Variants in CDC14A observed in about 807,000 individuals in gnomAD.
The protein encoded by CDC14A is dual specificity protein phosphatase CDC14A.
CDC14A carries 53 observed loss-of-function variants against 74.4 expected under a neutral mutation model. The observed-to-expected ratio is 0.71, with a 90% confidence interval of 0.57 to 0.89. CDC14A has a LOEUF of 0.89. Ranked by LOEUF, CDC14A falls within the 40% of genes least tolerant of loss-of-function variation. The probability of loss-of-function intolerance (pLI) is 0.00; values close to 1 mark genes in which losing one functional copy is unlikely to be tolerated. For synonymous variants in CDC14A, 247 were observed against 258.4 expected, an observed-to-expected ratio of 0.96 and a Z score of 0.43; for missense variants, 646 against 713.7, an observed-to-expected ratio of 0.91 and a Z score of 1.08.
At chr1:100,475,381 CTG>C in intron 10 of CDC14A, among the ~76,000 whole-genome samples, 1 of 152,312 alleles carries the variant, frequency 6.6e-6, no homozygotes, top group East Asian at 1.9e-4. Context: ...TCTAACATCT[CTG>C]TCATCTTGGT....
At chr1:100,479,099 G>T (rs1669200380) in intron 10 of CDC14A, among the ~76,000 whole-genome samples, 2 of 152,000 alleles carry the variant, frequency 1.3e-5, no homozygotes, top group Admixed American at 1.3e-4. Context: ...TTTCACAATT[G>T]GATTGAGCTA....
chr1:100,427,922 A>G (rs1016274748), intron 5 of CDC14A, among the ~76,000 whole-genome samples: 2 of 152,182 alleles, frequency 1.3e-5, no homozygotes, highest in African/African-American at 4.8e-5. Flanking sequence ...GATGTTAGGA[A>G]TAGGCCCCAT....
upstream of CDC14A, among the ~76,000 whole-genome samples, chr1:100,352,022 C>A (rs1251760519): frequency 7.1e-6 from 1 of 141,708 alleles, no homozygotes; most frequent in Non-Finnish European, 1.6e-5. Context: ...GCGCGCCCTA[C>A]AAGAGTTTAG....
upstream of CDC14A, among the ~76,000 whole-genome samples, chr1:100,349,092 A>T (rs1490564250): frequency 6.6e-6 from 1 of 151,980 alleles, no homozygotes; most frequent in African/African-American, 2.4e-5. Flanking sequence ...GCTACTCTGG[A>T]GGCTGTGGCA....
intron 15 of CDC14A, among the ~76,000 whole-genome samples, chr1:100,509,049 T>C (rs781144192): frequency 2.6e-5 from 4 of 152,150 alleles, no homozygotes; most frequent in Non-Finnish European, 5.9e-5. Context: ...CTCATATCCC[T>C]CCACTCCTGA....
chr1:100,463,523 T>C (rs1282304673), intron 9 of CDC14A, among the ~76,000 whole-genome samples: 1 of 152,252 alleles, frequency 6.6e-6, no homozygotes. Context: ...TTGTTCAGAC[T>C]ATAGAAGGTT....
At chr1:100,412,723 T>TATATATATATATATATATA (rs1491148182) in intron 4 of CDC14A, among the ~76,000 whole-genome samples, 7 of 83,760 alleles carry the variant, frequency 8.4e-5, no homozygotes, top group African/African-American at 7.1e-4. Flanking sequence ...TATATATATA[T>TATATATATATATATATATA]TTTATATATA....
At chr1:100,416,258 C>A (rs146814892) in intron 4 of CDC14A, among the ~76,000 whole-genome samples, 1,806 of 152,222 alleles carry the variant, frequency 0.012, 16 homozygotes, top group Non-Finnish European at 0.017. Flanking sequence ...AAAAACAAAT[C>A]CAACTTGGGA....
chr1:100,509,762 A>G (rs558668816), intron 15 of CDC14A, among the ~76,000 whole-genome samples: 8 of 152,356 alleles, frequency 5.3e-5, no homozygotes, highest in African/African-American at 1.9e-4. Flanking sequence ...TAAACAACTC[A>G]AAGGTTGATA....
chr1:100,358,575 C>G (rs1375319064), intron 2 of CDC14A, among the ~76,000 whole-genome samples: 1 of 152,190 alleles, frequency 6.6e-6, no homozygotes, highest in African/African-American at 2.4e-5. Context: ...GAATTTTAAG[C>G]AGTTTCTGAA....
At position 100,353,919 on chromosome 1, in the gene CDC14A, G is replaced by A. The variant is rs1651507523; in HGVS notation, c.140+67G>A. 6.0e-6 allele frequency: 5 copies of A among 838,882 alleles called. No homozygotes were observed. The East Asian group carries it at 7.8e-5, about 13-fold the overall frequency. The allele number at this position is 838,882 out of a possible 1,614,324, so 52.0% of individuals were successfully genotyped here. A position where few individuals can be genotyped will look rare whatever the true frequency, so the allele number is the denominator to read the frequency against. On this transcript the variant is annotated intron_variant, in intron 2 of 15. Coordinates refer to ENST00000336454, the MANE Select transcript of CDC14A (RefSeq NM_003672.4). ...TTGTTCTTTGACGAGGAAACACTAT[G>A]CACTTTTATGGCAGTTTTATTCATT...
intron 3 of CDC14A, among the ~76,000 whole-genome samples, chr1:100,390,027 T>A (rs1282820421): frequency 6.6e-6 from 1 of 152,230 alleles, no homozygotes; most frequent in Non-Finnish European, 1.5e-5. Context: ...GTTTAGCATG[T>A]GTACAACATA....
intron 9 of CDC14A, 21 bp from the exon 10 acceptor site, chr1:100,467,935 T>C (rs1156564526): frequency 2.6e-6 from 4 of 1,565,164 alleles, no homozygotes; most frequent in Non-Finnish European, 3.4e-6. Flanking sequence ...ATATTTCTTA[T>C]TCTGTTTCAT....
chr1:100,423,596 G>T (rs947296306), intron 4 of CDC14A: 1 of 153,330 alleles, frequency 6.5e-6, no homozygotes, highest in African/African-American at 2.4e-5. Flanking sequence ...TGGTTTTAAG[G>T]AATCCTTTTT....
intron 4 of CDC14A, among the ~76,000 whole-genome samples, chr1:100,420,057 C>CCATATATATATAT (rs1553180503): frequency 6.5e-5 from 2 of 30,578 alleles, no homozygotes; most frequent in African/African-American, 2.8e-4. Flanking sequence ...CACACACACA[C>CCATATATATATAT]ACACACATAT....
intron 2 of CDC14A, among the ~76,000 whole-genome samples, chr1:100,377,280 T>A (rs1317977298): frequency 6.6e-6 from 1 of 152,176 alleles, no homozygotes; most frequent in East Asian, 1.9e-4. Flanking sequence ...CCTCAGGCAG[T>A]CTGCCTGCCC....
intron 3 of CDC14A, among the ~76,000 whole-genome samples, chr1:100,382,646 T>G (rs1656304775): frequency 6.6e-6 from 1 of 151,988 alleles, no homozygotes; most frequent in African/African-American, 2.4e-5. Flanking sequence ...AGGGCAGTGG[T>G]TTTTCTTTTT....
At chr1:100,400,417 TAG>T (rs1659102476) in intron 4 of CDC14A, among the ~76,000 whole-genome samples, 1 of 152,230 alleles carries the variant, frequency 6.6e-6, no homozygotes, top group African/African-American at 2.4e-5. Flanking sequence ...AATAATATAT[TAG>T]ATGTCAGCTA....
chr1:100,371,507 C>T (rs548470847), intron 2 of CDC14A, among the ~76,000 whole-genome samples: 5 of 152,114 alleles, frequency 3.3e-5, no homozygotes, highest in East Asian at 3.9e-4. Flanking sequence ...TTACCATGAA[C>T]GGATGTTGGA....
Sources: gnomAD v4.1 joint callset for allele counts (sites outside exome capture counted in the v4.1 genomes callset) on GRCh38, gnomAD v4.1.1 for gene constraint, MANE v1.5 for transcripts, NCBI Gene and HGNC (gene_info 2026-07-23, HGNC 2026-07-21) for gene names.